Variants in RANBP2 observed in about 807,000 individuals in gnomAD.
RANBP2 encodes the protein RAN binding protein 2.
RANBP2 carries 57 observed loss-of-function variants against 303.6 expected under a neutral mutation model. The ratio of observed to expected loss-of-function variants is 0.19; its 90% CI spans 0.15 to 0.23. The LOEUF is 0.23. Ranked by LOEUF, RANBP2 falls within the 10% of genes least tolerant of loss-of-function variation. RANBP2 has a pLI of 1.00. For missense variants in RANBP2, 3,138 were observed against 3,780.8 expected, an observed-to-expected ratio of 0.83 and a Z score of 4.46; for synonymous variants, 1,167 against 1,301.5, an observed-to-expected ratio of 0.90 and a Z score of 2.23.
the RANBP2 span, among the ~76,000 whole-genome samples, chr2:109,568,853 G>GT: frequency 1.3e-5 from 2 of 152,094 alleles, no homozygotes; most frequent in African/African-American, 2.4e-5. Context: ...GAAGGAAACT[G>GT]TATGTACTAC....
the RANBP2 span, among the ~76,000 whole-genome samples, chr2:109,139,057 A>G: frequency 6.6e-6 from 1 of 152,212 alleles, no homozygotes; most frequent in Admixed American, 6.5e-5. Flanking sequence ...GGATTTAATT[A>G]TGCAGCTTAT....
chr2:108,798,701 C>G, the RANBP2 span: 1 of 676,672 alleles, frequency 1.5e-6, no homozygotes, highest in Admixed American at 3.2e-5. Flanking sequence ...CTCCTCCTCT[C>G]CACGCCTACA....
chr2:109,166,797 C>A, the RANBP2 span, among the ~76,000 whole-genome samples: 1 of 152,200 alleles, frequency 6.6e-6, no homozygotes, highest in Admixed American at 6.5e-5. Context: ...TAGGTTAAAA[C>A]TGTAAGTACA....
the RANBP2 span, chr2:109,614,360 C>A: frequency 1.3e-6 from 1 of 780,052 alleles, no homozygotes; most frequent in Non-Finnish European, 1.7e-6. Context: ...AGTCCTCTGG[C>A]CTCAGACGCG....
chr2:109,524,207 C>G, the RANBP2 span, among the ~76,000 whole-genome samples: 1 of 152,048 alleles, frequency 6.6e-6, no homozygotes, highest in East Asian at 1.9e-4. Context: ...GGAAGCCACA[C>G]AGCTTGTCCA....
chr2:108,729,000 C>T, intron 1 of RANBP2, 132 bp from the exon 2 acceptor site: 3 of 1,143,770 alleles, frequency 2.6e-6, no homozygotes, highest in Non-Finnish European at 3.6e-6. Flanking sequence ...ATTTGTCAGC[C>T]TTTAAAAAAA....
chr2:108,876,135 A>G, the RANBP2 span: 2 of 1,608,676 alleles, frequency 1.2e-6, no homozygotes, highest in Non-Finnish European at 1.7e-6. Flanking sequence ...CTGATGCTTC[A>G]AGAAATACAA....
the RANBP2 span, among the ~76,000 whole-genome samples, chr2:109,094,176 C>CA: frequency 6.6e-6 from 1 of 151,964 alleles, no homozygotes; most frequent in Non-Finnish European, 1.5e-5. Flanking sequence ...GAAACATCCC[C>CA]AGCCCCCAAT....
At chr2:109,520,428 T>C in the RANBP2 span, among the ~76,000 whole-genome samples, 2 of 149,862 alleles carry the variant, frequency 1.3e-5, no homozygotes, top group African/African-American at 4.9e-5. Context: ...TGGTGAAACC[T>C]GTCTCTACTA....
chr2:109,619,157 T>TA, the RANBP2 span, among the ~76,000 whole-genome samples: 1 of 152,208 alleles, frequency 6.6e-6, no homozygotes, highest in African/African-American at 2.4e-5. Context: ...AAATAGAGGT[T>TA]AATGGTTGTT....
chr2:109,125,560 G>A, the RANBP2 span, among the ~76,000 whole-genome samples: 9 of 152,146 alleles, frequency 5.9e-5, no homozygotes, highest in Non-Finnish European at 1.2e-4. Context: ...GGTACAATGG[G>A]ATTATTTTTT....
chr2:109,266,580 G>C, the RANBP2 span, among the ~76,000 whole-genome samples: 1 of 152,094 alleles, frequency 6.6e-6, no homozygotes, highest in Non-Finnish European at 1.5e-5. Flanking sequence ...TTTTGTGCCT[G>C]ATGCCCGTCA....
At chr2:109,618,404 A>C in the RANBP2 span, 1 of 167,234 alleles carries the variant, frequency 6.0e-6, no homozygotes. Context: ...CACAAAATCT[A>C]TAATTTGCCA....
chr2:108,760,992 A>G (rs540225038), intron 18 of RANBP2, among the ~76,000 whole-genome samples: 206 of 151,650 alleles, frequency 1.4e-3, no homozygotes, highest in African/African-American at 3.1e-3. Flanking sequence ...TCTTTCCTAA[A>G]TTGTCTATTC....
At chr2:108,990,845 T>G in the RANBP2 span, among the ~76,000 whole-genome samples, 1 of 152,192 alleles carries the variant, frequency 6.6e-6, no homozygotes, top group Non-Finnish European at 1.5e-5. Flanking sequence ...TGTGATAAAT[T>G]AAAGTCACTG....
chr2:109,318,627 A>G, the RANBP2 span, among the ~76,000 whole-genome samples: 1 of 152,206 alleles, frequency 6.6e-6, no homozygotes, highest in African/African-American at 2.4e-5. Flanking sequence ...CACTGGGGGC[A>G]GCATTTGTCT....
At chr2:109,246,782 G>A in the RANBP2 span, among the ~76,000 whole-genome samples, 1 of 152,336 alleles carries the variant, frequency 6.6e-6, no homozygotes, top group Non-Finnish European at 1.5e-5. Flanking sequence ...GGAGAGCCTC[G>A]CTTGCTCTGA....
At chr2:109,436,805 C>G in the RANBP2 span, 1 of 1,500,172 alleles carries the variant, frequency 6.7e-7, no homozygotes, top group South Asian at 1.3e-5. Flanking sequence ...TTAAAGCCAG[C>G]AGGTCAGAGC....
chr2:108,924,576 G>A, the RANBP2 span, among the ~76,000 whole-genome samples: 3 of 152,278 alleles, frequency 2.0e-5, no homozygotes, highest in Non-Finnish European at 4.4e-5. Flanking sequence ...GCCCCATGGA[G>A]GCCCCTGCTG....
Sources: allele counts gnomAD v4.1 joint callset (sites outside exome capture counted in the v4.1 genomes callset), GRCh38; gene constraint gnomAD v4.1.1; transcripts MANE v1.5; gene names NCBI Gene and HGNC (gene_info 2026-07-23, HGNC 2026-07-21).